WWOX: variants seen among roughly 807,000 people sequenced by gnomAD.
WWOX encodes the protein WW domain-containing oxidoreductase.
In WWOX, 69 loss-of-function variants were observed where a neutral mutation model predicts 46.2. That is an observed-to-expected ratio of 1.49 (90% confidence interval 1.23 to 1.82). The LOEUF is 1.82. Among genes scored for constraint, WWOX ranks in the 40% most tolerant of loss-of-function variants. The pLI is 0.00. For synonymous variants in WWOX, 359 were observed against 202.6 expected, an observed-to-expected ratio of 1.77 and a Z score of -6.56; for missense variants, 919 against 542.6, an observed-to-expected ratio of 1.69 and a Z score of -6.89.
At chr16:78,859,322 C>T (rs967878185) in intron 8 of WWOX, among the ~76,000 whole-genome samples, 4 of 151,890 alleles carry the variant, frequency 2.6e-5, no homozygotes, top group Non-Finnish European at 5.9e-5. Flanking sequence ...AATTCCCCTT[C>T]TCCCTACTCC....
At chr16:78,477,514 T>G (rs1190855969) in intron 8 of WWOX, among the ~76,000 whole-genome samples, 1 of 152,178 alleles carries the variant, frequency 6.6e-6, no homozygotes, top group Non-Finnish European at 1.5e-5. Context: ...CTGGAAAAAT[T>G]AAAGTGTTCA....
intron 5 of WWOX, among the ~76,000 whole-genome samples, chr16:78,375,211 C>G (rs552490652): frequency 6.6e-6 from 1 of 152,194 alleles, no homozygotes; most frequent in African/African-American, 2.4e-5. Flanking sequence ...TCAAGCGTGA[C>G]GATACTGTTA....
In WWOX at chr16:79,077,182, G is replaced by A. The variant is rs537535481; in HGVS notation, c.1057-134426G>A. ...GGAGCTCTAAAGTACTTGACCCTGG[G>A]CCTGACACCAATCAGGAGCTTAAAA... On this transcript the variant is annotated intron_variant, in intron 8 of 8. Coordinates refer to ENST00000566780, the MANE Select transcript of WWOX (RefSeq NM_016373.4). 4.6e-5 allele frequency among the ~76,000 whole-genome samples: 7 copies of A among 152,232 alleles called. No homozygotes were observed. In the East Asian group the frequency reaches 1.4e-3, roughly 29 times the overall value.
intron 4 of WWOX, among the ~76,000 whole-genome samples, chr16:78,137,299 A>G (rs919489925): frequency 1.3e-5 from 2 of 152,290 alleles, no homozygotes; most frequent in Admixed American, 6.5e-5. Flanking sequence ...CGATAACTAG[A>G]CGTGCTGTTT....
chr16:79,022,474 C>T (rs1215977733), intron 8 of WWOX, among the ~76,000 whole-genome samples: 1 of 151,716 alleles, frequency 6.6e-6, no homozygotes, highest in Non-Finnish European at 1.5e-5. Context: ...TGCCCTTTTA[C>T]AGCCTTTTCT....
chr16:78,157,948 T>G (rs1324971058), intron 4 of WWOX, among the ~76,000 whole-genome samples: 1 of 152,244 alleles, frequency 6.6e-6, no homozygotes, highest in Non-Finnish European at 1.5e-5. Flanking sequence ...ATGATTATGT[T>G]AGGCTCTCAA....
intron 8 of WWOX, among the ~76,000 whole-genome samples, chr16:78,567,136 A>G (rs1435691948): frequency 6.6e-6 from 1 of 152,238 alleles, no homozygotes; most frequent in Non-Finnish European, 1.5e-5. Flanking sequence ...AAAGATCACA[A>G]GCCCAACCCT....
intron 3 of WWOX, among the ~76,000 whole-genome samples, chr16:78,110,548 T>C (rs1026968019): frequency 6.6e-6 from 1 of 152,194 alleles, no homozygotes; most frequent in East Asian, 1.9e-4. Flanking sequence ...ATTCCTGTTA[T>C]AGAGAACCTA....
At position 78,190,568 on chromosome 16, in the gene WWOX, A is replaced by G. The variant is rs1173495946; in HGVS notation, c.516+26279A>G. Reference sequence around the variant, plus strand: ...GTGCACATCCCTTCCAGCCAACTCTATTGTGCACACATATTCGTAGGGTGA... The same window carrying G: ...GTGCACATCCCTTCCAGCCAACTCTGTTGTGCACACATATTCGTAGGGTGA... On this transcript the variant is annotated intron_variant, in intron 5 of 8. Coordinates refer to ENST00000566780, the MANE Select transcript of WWOX (RefSeq NM_016373.4). 4.6e-5 allele frequency among the ~76,000 whole-genome samples: 7 copies of G among 152,044 alleles called. No homozygotes were observed. The East Asian group carries it at 1.2e-3, about 25-fold the overall frequency.
At chr16:79,130,709 G>C (rs1034798798) in intron 8 of WWOX, among the ~76,000 whole-genome samples, 1 of 152,342 alleles carries the variant, frequency 6.6e-6, no homozygotes, top group African/African-American at 2.4e-5. Context: ...GAAGTGCTGC[G>C]GTACTGGCGT....
At chr16:79,101,968 G>A (rs113630670) in intron 8 of WWOX, among the ~76,000 whole-genome samples, 3 of 148,420 alleles carry the variant, frequency 2.0e-5, no homozygotes, top group African/African-American at 7.5e-5. Context: ...ACCTGAAGTT[G>A]ACACTTAATT....
At chr16:78,681,777 G>C (rs368888058) in intron 8 of WWOX, among the ~76,000 whole-genome samples, 1 of 152,184 alleles carries the variant, frequency 6.6e-6, no homozygotes, top group Non-Finnish European at 1.5e-5. Flanking sequence ...ACTCTGTGGC[G>C]TACTATCTAT....
At chr16:78,555,965 G>A (rs191838127) in intron 8 of WWOX, among the ~76,000 whole-genome samples, 1 of 152,058 alleles carries the variant, frequency 6.6e-6, no homozygotes, top group African/African-American at 2.4e-5. Context: ...TGAAATGCAA[G>A]GAATCGAGTG....
intron 8 of WWOX, among the ~76,000 whole-genome samples, chr16:78,911,355 C>G (rs1296211615): frequency 6.6e-6 from 1 of 152,018 alleles, no homozygotes; most frequent in Non-Finnish European, 1.5e-5. Context: ...AAACTGTACC[C>G]TCCTGCTGTT....
At chr16:78,323,252 C>A (rs11644268) in intron 5 of WWOX, among the ~76,000 whole-genome samples, 70,449 of 151,618 alleles carry the variant, frequency 0.46, 17,073 homozygotes, top group East Asian at 0.72. Context: ...GACTACAGGC[C>A]CCCGCCACCA....
intron 8 of WWOX, among the ~76,000 whole-genome samples, chr16:78,884,949 A>G (rs1464430044): frequency 2.0e-5 from 3 of 152,208 alleles, no homozygotes; most frequent in Non-Finnish European, 4.4e-5. Flanking sequence ...CATGTTACCC[A>G]GTCATTAATG....
chr16:78,418,685 G>A (rs923620448), intron 6 of WWOX, among the ~76,000 whole-genome samples: 1 of 152,066 alleles, frequency 6.6e-6, no homozygotes, highest in African/African-American at 2.4e-5. Flanking sequence ...TAACATAATA[G>A]TAGAATAAAA....
At chr16:78,282,040 C>T (rs1448003028) in intron 5 of WWOX, among the ~76,000 whole-genome samples, 1 of 152,204 alleles carries the variant, frequency 6.6e-6, no homozygotes, top group Non-Finnish European at 1.5e-5. Flanking sequence ...GCCCAAAAGC[C>T]ACAGGGAGAA....
intron 8 of WWOX, among the ~76,000 whole-genome samples, chr16:78,933,473 A>G (rs547546418): frequency 6.6e-5 from 10 of 152,232 alleles, no homozygotes; most frequent in Non-Finnish European, 1.5e-4. Context: ...CAAGATGTTG[A>G]CATAACAGTT....
Sources: allele counts gnomAD v4.1 joint callset (sites outside exome capture counted in the v4.1 genomes callset), GRCh38; gene constraint gnomAD v4.1.1; transcripts MANE v1.5; gene names NCBI Gene and HGNC (gene_info 2026-07-23, HGNC 2026-07-21).